Variants in RYR3 observed in about 807,000 individuals in gnomAD.
The protein encoded by RYR3 is brain ryanodine receptor-calcium release channel.
Under a neutral mutation model 584.3 loss-of-function variants are expected in RYR3, and 207 were observed. The ratio of observed to expected loss-of-function variants is 0.35; its 90% confidence interval spans 0.32 to 0.40. RYR3 has a LOEUF of 0.40. RYR3 is among the 10% of genes least tolerant of loss of function. RYR3 has a pLI of 1.00. For missense variants in RYR3, 5,616 were observed against 6,089.2 expected (o/e 0.92, Z 2.59); for synonymous variants, 2,416 against 2,248.5 (o/e 1.07, Z -2.11).
At chr15:33,400,051 GCA>G (rs772316522) in intron 1 of RYR3, among the ~76,000 whole-genome samples, 3 of 152,030 alleles carry the variant, frequency 2.0e-5, no homozygotes, top group Admixed American at 2.0e-4. Context: ...CTCCTTTCTC[GCA>G]AGGAAAACAC....
intron 1 of RYR3, among the ~76,000 whole-genome samples, chr15:33,414,370 T>C (rs1007928689): frequency 2.0e-5 from 3 of 152,162 alleles, no homozygotes; most frequent in African/African-American, 4.8e-5. Context: ...GCTAAAGTTC[T>C]GGAGACCAAA....
At chr15:33,563,313 T>C (rs11634054) in intron 11 of RYR3, among the ~76,000 whole-genome samples, 99,841 of 152,094 alleles carry the variant, frequency 0.66, 33,737 homozygotes, top group Middle Eastern at 0.76. Context: ...CTTGGGATTA[T>C]CCACATCATT....
chr15:33,509,878 T>A (rs1224021093), intron 3 of RYR3, among the ~76,000 whole-genome samples: 1 of 152,222 alleles, frequency 6.6e-6, no homozygotes, highest in African/African-American at 2.4e-5. Flanking sequence ...TACACCTGAT[T>A]GGTAAGAACA....
chr15:33,587,863 C>A (rs2058934741), intron 16 of RYR3, among the ~76,000 whole-genome samples: 1 of 152,164 alleles, frequency 6.6e-6, no homozygotes, highest in Non-Finnish European at 1.5e-5. Flanking sequence ...AAAGAATGTG[C>A]TGAGTGGAGG....
At chr15:33,851,843 G>A (rs1268239508) in intron 94 of RYR3, 2 of 152,156 alleles carry the variant, frequency 1.3e-5, no homozygotes, top group Middle Eastern at 3.4e-3. Flanking sequence ...TAAATGCAGT[G>A]CATAAAAAAA....
At position 33,788,439 on chromosome 15, in the gene RYR3, C is replaced by T. The variant is rs200295482; in HGVS notation, c.9811C>T (p.Arg3271Cys). The part of the protein sequence containing the change: ...DLYAFYPMLI[R>C]YVDNNRSNWL... ...CTATGCCTTCTACCCCATGCTGATCCGCTACGTGGACAACAACAGGTACGG... is the reference window on the plus strand; with the variant it reads ...CTATGCCTTCTACCCCATGCTGATCTGCTACGTGGACAACAACAGGTACGG... Residue 3271 changes from arginine (R) to cysteine (C), a missense_variant, in exon 67 of 104, where the codon CGC (arginine) becomes TGC (cysteine). Around this residue, in one of 9 missense-constraint regions of RYR3, gnomAD observed 954 missense variants for 1,132.2 expected, o/e 0.84. Transcript: ENST00000634891. 2.9e-5 allele frequency: 46 copies of T among 1,613,706 alleles called. No individual in the cohort carries two copies. In the South Asian group the frequency reaches 3.2e-4, roughly 11 times the overall value.
chr15:33,719,390 C>T (rs558758632), intron 43 of RYR3, among the ~76,000 whole-genome samples: 8 of 152,166 alleles, frequency 5.3e-5, no homozygotes, highest in Non-Finnish European at 5.9e-5. Context: ...CCACCAACTT[C>T]GTGATGCCAA....
intron 18 of RYR3, among the ~76,000 whole-genome samples, chr15:33,610,723 G>A (rs1371068203): frequency 1.3e-5 from 2 of 152,102 alleles, no homozygotes; most frequent in East Asian, 3.8e-4. Flanking sequence ...TTGGGTTTGG[G>A]AATATTTGCA....
rs1470828478 is a variant in RYR3 at position 33,751,000 on chromosome 15, T to A, written c.8399+714T>A. ...TGGTTTTCTGTTTGGTTTTCAGTTC[T>A]TGTGTTAATTTGCTGAGAATGATGG... On this transcript the variant is annotated intron_variant, in intron 57 of 103. Transcript: ENST00000634891. Among the ~76,000 whole-genome samples, 136 of 152,318 alleles carry A rather than the reference T, an allele frequency of 8.9e-4. 1 individual carries two copies. The highest frequency in any genetic ancestry group is 1.4e-3 in the Non-Finnish European group (96 of 68,034).
chr15:33,467,488 G>T (rs1432219130), intron 1 of RYR3: 1 of 984,816 alleles, frequency 1.0e-6, no homozygotes, highest in Non-Finnish European at 1.2e-6. Context: ...TGCGAGCCAA[G>T]GTATAAGAAA....
intron 36 of RYR3, among the ~76,000 whole-genome samples, chr15:33,667,846 A>AGCCTGGCCAGGTCAGG (rs1431554341): frequency 6.6e-6 from 1 of 152,006 alleles, no homozygotes; most frequent in Non-Finnish European, 1.5e-5. Flanking sequence ...GGTGGATCAC[A>AGCCTGGCCAGGTCAGG]AGGTCAGGAG....
intron 23 of RYR3, 60 bp downstream of exon 23, chr15:33,631,353 C>A: frequency 8.7e-7 from 1 of 1,150,974 alleles, no homozygotes; most frequent in Non-Finnish European, 1.3e-6. Context: ...ATTTTTAATC[C>A]AGGAGGGTGG....
intron 64 of RYR3, among the ~76,000 whole-genome samples, chr15:33,774,395 T>C (rs1289566986): frequency 6.6e-6 from 1 of 152,240 alleles, no homozygotes; most frequent in Admixed American, 6.5e-5. Flanking sequence ...AATTACTTAA[T>C]CGAAAATCCT....
rs1448666674 is a variant in RYR3, at chr15:33,748,156, A to G, written c.8032A>G (p.Thr2678Ala). The G allele has an allele frequency of 3.7e-6, 6 of 1,613,792 alleles. No homozygotes were observed. The highest frequency in any genetic ancestry group is 5.1e-6 in the Non-Finnish European group (6 of 1,179,816). ...YRWPARESLK[T>A]MLAVGWTVER... ...CTGGCCTGCGCGAGAGTCCCTGAAA[A>G]CCATGCTGGCTGTGGGCTGGACTGT... The change falls in exon 54 of 104, where the codon ACC (threonine) becomes GCC (alanine). Residue 2678 changes from threonine (T) to alanine (A), a missense_variant. Around this residue, in one of 9 missense-constraint regions of RYR3, gnomAD observed 1,280 missense variants for 1,426.2 expected, o/e 0.90. Transcript: ENST00000634891.
intron 1 of RYR3, among the ~76,000 whole-genome samples, chr15:33,401,322 C>A (rs2042650192): frequency 6.6e-6 from 1 of 152,166 alleles, no homozygotes; most frequent in Non-Finnish European, 1.5e-5. Flanking sequence ...TTAATTTTAT[C>A]CTTGCAATAG....
intron 89 of RYR3, 84 bp downstream of exon 89, chr15:33,839,042 T>G: frequency 6.7e-7 from 1 of 1,483,402 alleles, no homozygotes; most frequent in Non-Finnish European, 9.0e-7. Context: ...CTGACACCAT[T>G]TCCCTAGGAG....
intron 1 of RYR3, among the ~76,000 whole-genome samples, chr15:33,372,662 GC>G (rs1284254964): frequency 3.9e-5 from 6 of 151,960 alleles, no homozygotes; most frequent in Non-Finnish European, 8.8e-5. Context: ...ACCACGCCCG[GC>G]CCCAGCTAAT....
chr15:33,428,548 T>G (rs1413869834), intron 1 of RYR3, among the ~76,000 whole-genome samples: 2 of 152,170 alleles, frequency 1.3e-5, no homozygotes, highest in Non-Finnish European at 2.9e-5. Flanking sequence ...TAAGGCAGCA[T>G]AAATACCCAC....
intron 1 of RYR3, among the ~76,000 whole-genome samples, chr15:33,460,101 C>T (rs2047894415): frequency 6.6e-6 from 1 of 152,098 alleles, no homozygotes; most frequent in Non-Finnish European, 1.5e-5. Flanking sequence ...TTAGAATATG[C>T]TCCAGAAATT....
Sources: allele counts gnomAD v4.1 joint callset (sites outside exome capture counted in the v4.1 genomes callset), GRCh38; gene constraint gnomAD v4.1.1; regional missense constraint gnomAD v4.1.1; transcripts MANE v1.5; gene names NCBI Gene and HGNC (gene_info 2026-07-23, HGNC 2026-07-21).